TTC3: variants seen among roughly 807,000 people sequenced by gnomAD.
The protein encoded by TTC3 is tetratricopeptide repeat domain 3.
A neutral mutation model predicts 249.6 loss-of-function variants in TTC3; 180 were observed. That is an observed-to-expected ratio of 0.72 (90% CI 0.64 to 0.82). The LOEUF (loss-of-function observed/expected upper bound fraction) is 0.82. TTC3 is among the 40% of genes least tolerant of loss of function. TTC3 has a pLI of 0.00. For missense variants in TTC3, 2,061 were observed against 2,398.4 expected (o/e 0.86, Z 2.94); for synonymous variants, 717 against 805.0 (o/e 0.89, Z 1.85).
At chr21:37,193,319 C>T (rs1217402872) in intron 41 of TTC3, among the ~76,000 whole-genome samples, 1 of 151,870 alleles carries the variant, frequency 6.6e-6, no homozygotes, top group Non-Finnish European at 1.5e-5. Flanking sequence ...CTCTTTCTCA[C>T]CAGTACCTTG....
At chr21:37,106,683 G>A (rs1251432724) in intron 10 of TTC3, among the ~76,000 whole-genome samples, 1 of 152,172 alleles carries the variant, frequency 6.6e-6, no homozygotes, top group African/African-American at 2.4e-5. Flanking sequence ...CCAGGAGTTT[G>A]AGACCATCCT....
chr21:37,073,914 G>GC (rs2070419720), intron 1 of TTC3, among the ~76,000 whole-genome samples: 1 of 152,254 alleles, frequency 6.6e-6, no homozygotes, highest in African/African-American at 2.4e-5. Flanking sequence ...CCTTGCTCGC[G>GC]CAAGTGTGCG....
chr21:37,096,615 CTT>C lies in TTC3; in HGVS notation c.819_820del (p.Cys274PhefsTer8), dbSNP rs766642564. 6.2e-7 allele frequency: 1 copy of C among 1,612,478 alleles called. No individual in the cohort carries two copies. The highest frequency in any genetic ancestry group is 1.1e-5 in the South Asian group (1 of 90,708). ...CTACCTTCTTTATGGTAACCGAGCT[CTT>C]TGTTTTCTTCGTACTGGACAGTTTA... On this transcript the variant is annotated frameshift_variant, in exon 10 of 46. Coordinates refer to ENST00000355666, the Ensembl canonical transcript of TTC3. LOFTEE classifies it high-confidence loss of function.
intron 29 of TTC3, 38 bp from the exon 30 acceptor site, chr21:37,160,764 T>C: frequency 6.2e-7 from 1 of 1,602,580 alleles, no homozygotes; most frequent in Non-Finnish European, 8.5e-7. Flanking sequence ...ATAATGCTGT[T>C]ATTTGAGTGT....
intron 18 of TTC3, among the ~76,000 whole-genome samples, chr21:37,138,365 ATTATAAATTAATCTAT>A (rs888348720): frequency 3.5e-4 from 53 of 152,344 alleles, no homozygotes; most frequent in African/African-American, 1.3e-3. Flanking sequence ...TATGACTTTA[ATTATAAATTAATCTAT>A]TATGAATCAT....
chr21:37,195,237 G>A (rs1602180068), intron 41 of TTC3, among the ~76,000 whole-genome samples: 1 of 152,188 alleles, frequency 6.6e-6, no homozygotes, highest in Admixed American at 6.5e-5. Flanking sequence ...AGGCGTGGAC[G>A]GAGGCCTGAG....
chr21:37,135,807 G>A (rs1435003761), intron 18 of TTC3, among the ~76,000 whole-genome samples: 1 of 152,124 alleles, frequency 6.6e-6, no homozygotes, highest in Admixed American at 6.5e-5. Context: ...TTTCACCCAG[G>A]AAGAAAGTAC....
intron 15 of TTC3, among the ~76,000 whole-genome samples, chr21:37,127,094 A>G (rs1468033591): frequency 2.6e-5 from 4 of 152,142 alleles, no homozygotes; most frequent in South Asian, 2.1e-4. Flanking sequence ...GCTTCAAGCA[A>G]TCCTCTCGCC....
At chr21:37,091,568 ATTATTTAT>A (rs56149628) in intron 7 of TTC3, 155 bp downstream of exon 7, 20 of 190,884 alleles carry the variant, frequency 1.0e-4, no homozygotes, top group South Asian at 1.7e-4. Flanking sequence ...TCTTTTTTTT[ATTATTTAT>A]TTATTTATTT....
In TTC3 at chr21:37,138,177, C is replaced by T. The variant is rs117691450; in HGVS notation, c.1579-457C>T. ...CTACACACTTAATAAACTACAGTATCGCTAAAACATAACTTTAATATGCAC... is the reference window on the plus strand; with the variant it reads ...CTACACACTTAATAAACTACAGTATTGCTAAAACATAACTTTAATATGCAC... On this transcript the variant is annotated intron_variant, in intron 18 of 45. Transcript: ENST00000355666. 9.6e-3 allele frequency among the ~76,000 whole-genome samples: 1,461 copies of T among 152,266 alleles called. 15 individuals are homozygous for T. Among genetic ancestry groups the T allele is most frequent in the Middle Eastern group, 0.017 (5 of 294 alleles).
chr21:37,144,445 T>C (rs1369583933), intron 20 of TTC3, 80 bp from the exon 21 acceptor site: 2 of 1,487,232 alleles, frequency 1.3e-6, no homozygotes, highest in African/African-American at 1.4e-5. Flanking sequence ...CCCAGTAAGC[T>C]TGAGATCTTT....
At chr21:37,136,099 T>TTG (rs1309766898) in intron 18 of TTC3, among the ~76,000 whole-genome samples, 2 of 152,008 alleles carry the variant, frequency 1.3e-5, no homozygotes, top group Non-Finnish European at 2.9e-5. Flanking sequence ...ACTTAATAAA[T>TTG]TGTGTGTGTG....
chr21:37,163,672 C>A lies in TTC3; in HGVS notation c.3171-379C>A, dbSNP rs148776123. 1.5e-3 allele frequency among the ~76,000 whole-genome samples: 223 copies of A among 152,260 alleles called. 2 individuals carry two copies. Among genetic ancestry groups the A allele is most frequent in the African/African-American group, 4.9e-3 (204 of 41,550 alleles). Reference sequence around the variant, plus strand: ...GCTTAAAAAAAACCTTTTATTAATACCATTTACCAGTCTCAGTCTCACTTT... The same window carrying A: ...GCTTAAAAAAAACCTTTTATTAATAACATTTACCAGTCTCAGTCTCACTTT... On this transcript the variant is annotated intron_variant, in intron 31 of 45. Coordinates refer to ENST00000355666, the Ensembl canonical transcript of TTC3.
At chr21:37,102,577 T>C (rs1601429835) in intron 10 of TTC3, among the ~76,000 whole-genome samples, 1 of 152,146 alleles carries the variant, frequency 6.6e-6, no homozygotes, top group Non-Finnish European at 1.5e-5. Flanking sequence ...GTAAATGTGG[T>C]TTTTAGAAAT....
At chr21:37,104,451 G>A (rs188832348) in intron 10 of TTC3, among the ~76,000 whole-genome samples, 3 of 152,232 alleles carry the variant, frequency 2.0e-5, no homozygotes, top group Admixed American at 1.3e-4. Context: ...TTAGCTGGGC[G>A]TGGTGGTAGG....
At chr21:37,140,498 A>G (rs974130619) in intron 19 of TTC3, 63 bp from the exon 20 acceptor site, 27 of 1,167,044 alleles carry the variant, frequency 2.3e-5, no homozygotes, top group Non-Finnish European at 2.9e-5. Context: ...CAACCTTTAG[A>G]TAAAATTTAT....
intron 36 of TTC3, 87 bp downstream of exon 36, chr21:37,183,000 T>C: frequency 8.8e-7 from 1 of 1,138,866 alleles, no homozygotes; most frequent in Non-Finnish European, 1.2e-6. Context: ...TATTTAATAT[T>C]AAACTACATC....
rs1248129802 is a variant in TTC3 at position 37,172,754 on chromosome 21, T to C, written c.4617+10T>C. On this transcript the variant is annotated intron_variant, in intron 35 of 45. Transcript: ENST00000355666. Reference sequence around the variant, plus strand: ...CTTAGAAGAAAACAAGGTAATCCTGTCTGAAACCTGTCTTTAATTGCATGT... The same window carrying C: ...CTTAGAAGAAAACAAGGTAATCCTGCCTGAAACCTGTCTTTAATTGCATGT... 1.2e-6 allele frequency: 2 copies of C among 1,612,918 alleles called. No homozygotes were observed. The highest frequency in any genetic ancestry group is 1.3e-5 in the African/African-American group (1 of 74,866).
chr21:37,127,155 TG>T (rs2077099653), intron 15 of TTC3, among the ~76,000 whole-genome samples: 1 of 152,212 alleles, frequency 6.6e-6, no homozygotes, highest in African/African-American at 2.4e-5. Context: ...ACGCCCAGCC[TG>T]GGGTCTCTTC....
Sources: allele counts gnomAD v4.1 joint callset (sites outside exome capture counted in the v4.1 genomes callset), GRCh38; gene constraint gnomAD v4.1.1; transcripts MANE v1.5; gene names NCBI Gene and HGNC (gene_info 2026-07-23, HGNC 2026-07-21).